ATP10B: variants seen among roughly 807,000 people sequenced by gnomAD.
The protein encoded by ATP10B is phospholipid-transporting ATPase VB.
A neutral mutation model predicts 141.2 loss-of-function variants in ATP10B; 122 were observed. That is an observed-to-expected ratio of 0.86 (90% confidence interval 0.75 to 1.00). The LOEUF is 1.00. Among genes scored for constraint, ATP10B ranks in the 50% least tolerant of loss-of-function variants. ATP10B has a pLI of 0.00. For missense variants in ATP10B, 1,876 were observed against 1,825.3 expected (o/e 1.03, Z -0.51); for synonymous variants, 685 against 692.0 (o/e 0.99, Z 0.16).
At chr5:160,785,175 C>T (rs1195656466) in intron 2 of ATP10B, among the ~76,000 whole-genome samples, 1 of 152,106 alleles carries the variant, frequency 6.6e-6, no homozygotes, top group Non-Finnish European at 1.5e-5. Flanking sequence ...AATCTATGGA[C>T]CTCTCTTACC....
At chr5:160,639,670 T>A (rs1759681334) in intron 10 of ATP10B, among the ~76,000 whole-genome samples, 1 of 152,194 alleles carries the variant, frequency 6.6e-6, no homozygotes, top group African/African-American at 2.4e-5. Flanking sequence ...GCAACATTTT[T>A]GGTATCAGTG....
At chr5:160,742,772 T>A (rs1326518808) in intron 2 of ATP10B, among the ~76,000 whole-genome samples, 1 of 152,130 alleles carries the variant, frequency 6.6e-6, no homozygotes, top group Non-Finnish European at 1.5e-5. Context: ...TTTGGGGATT[T>A]TTTGGGACTT....
chr5:160,600,383 A>G (rs1447195503), intron 21 of ATP10B, among the ~76,000 whole-genome samples: 2 of 152,064 alleles, frequency 1.3e-5, no homozygotes, highest in East Asian at 3.9e-4. Flanking sequence ...GGCTTATACG[A>G]TTAGACTTTT....
chr5:160,836,666 T>C (rs1483563671), intron 1 of ATP10B, among the ~76,000 whole-genome samples: 4 of 152,144 alleles, frequency 2.6e-5, no homozygotes, highest in Non-Finnish European at 4.4e-5. Flanking sequence ...AAATTATTTT[T>C]CTCCACAAGT....
At chr5:160,619,910 G>C (rs1758228043) in intron 15 of ATP10B, among the ~76,000 whole-genome samples, 2 of 152,156 alleles carry the variant, frequency 1.3e-5, no homozygotes, top group Non-Finnish European at 2.9e-5. Flanking sequence ...CTGGGTCTGG[G>C]ATTTAACACT....
chr5:160,784,270 A>G (rs928651483), intron 2 of ATP10B, among the ~76,000 whole-genome samples: 13 of 152,120 alleles, frequency 8.5e-5, no homozygotes, highest in South Asian at 2.1e-4. Flanking sequence ...GCAATTGCCT[A>G]TACTTGAATG....
At chr5:160,909,095 G>C in the ATP10B span, among the ~76,000 whole-genome samples, 144 of 152,266 alleles carry the variant, frequency 9.5e-4, no homozygotes, top group African/African-American at 3.4e-3. Flanking sequence ...TGATTTTATG[G>C]GGGGTCAGAC....
chr5:160,813,446 A>G (rs1025588937), intron 1 of ATP10B, among the ~76,000 whole-genome samples: 1 of 152,192 alleles, frequency 6.6e-6, no homozygotes, highest in Non-Finnish European at 1.5e-5. Context: ...AAGGGCACCC[A>G]CCACTGCTGA....
intron 2 of ATP10B, among the ~76,000 whole-genome samples, chr5:160,767,332 C>T (rs1481638042): frequency 6.6e-6 from 1 of 152,130 alleles, no homozygotes; most frequent in Non-Finnish European, 1.5e-5. Context: ...TGACTGAATA[C>T]TCCCAGTGTG....
intron 13 of ATP10B, among the ~76,000 whole-genome samples, chr5:160,628,976 T>C (rs1758763991): frequency 6.6e-6 from 1 of 152,116 alleles, no homozygotes; most frequent in African/African-American, 2.4e-5. Context: ...TGTTGCTGTT[T>C]TTGTCGATTG....
intron 2 of ATP10B, among the ~76,000 whole-genome samples, chr5:160,736,501 C>T (rs542919649): frequency 1.7e-4 from 26 of 152,302 alleles, no homozygotes; most frequent in Admixed American, 7.2e-4. Flanking sequence ...TGGTGGCTCA[C>T]GCCTGTAATC....
chr5:160,723,444 G>A (rs780713925), intron 2 of ATP10B, among the ~76,000 whole-genome samples: 13 of 152,162 alleles, frequency 8.5e-5, no homozygotes, highest in Non-Finnish European at 1.6e-4. Context: ...ACAATTCTAA[G>A]CATTTTGCTT....
chr5:160,649,086 C>T (rs1760512258), intron 8 of ATP10B, 85 bp downstream of exon 8: 1 of 929,966 alleles, frequency 1.1e-6, no homozygotes, highest in Non-Finnish European at 1.7e-6. Flanking sequence ...GATGAAGATG[C>T]TTATTTGTTT....
chr5:160,602,554 A>G, intron 21 of ATP10B, 23 bp downstream of exon 21: 2 of 1,613,180 alleles, frequency 1.2e-6, no homozygotes, highest in Non-Finnish European at 1.7e-6. Flanking sequence ...GCCCTGGGTG[A>G]GAGGACGCCA....
In ATP10B at chr5:160,750,909, G is replaced by A. The variant is rs116411706; in HGVS notation, c.-330-33875C>T. Among the ~76,000 whole-genome samples the A allele has an allele frequency of 6.0e-3, 914 of 152,192 alleles. 4 individuals carry two copies. Among genetic ancestry groups the A allele is most frequent in the Non-Finnish European group, 8.5e-3 (579 of 68,000 alleles). On this transcript the variant is annotated intron_variant, in intron 2 of 25. Coordinates refer to ENST00000327245, the MANE Select transcript of ATP10B (RefSeq NM_025153.3). ...ACTCTCTCAACCAGAAATGCCCCAG[G>A]ACTTTTTCACCTGCTCTCCCCTACA...
chr5:160,800,502 A>G (rs974872498), intron 1 of ATP10B, among the ~76,000 whole-genome samples: 3 of 152,226 alleles, frequency 2.0e-5, no homozygotes, highest in African/African-American at 7.2e-5. Context: ...AGTGTGGTAT[A>G]GGTGGAATTT....
chr5:160,652,869 TATATATAATATATATATAATTATATA>T lies in ATP10B; in HGVS notation c.676-3639_676-3614del, dbSNP rs1483018817. ...TAAAAAGATTATAAATTATATATAA[TATATATAATATATATATAATTATATA>T]ATATATTATATATACATGTATATAT... is the stretch of plus-strand genomic sequence containing the variant. On this transcript the variant is annotated intron_variant, in intron 7 of 25. Transcript: ENST00000327245. Among the ~76,000 whole-genome samples the T allele has an allele frequency of 2.2e-3, 135 of 61,176 alleles. 1 individual carries two copies. Among genetic ancestry groups the T allele is most frequent in the African/African-American group, 7.4e-3 (121 of 16,360 alleles). 40.1% of individuals were successfully genotyped at this position (61,176 alleles called of 152,430 possible).
chr5:160,893,035 C>CA, the ATP10B span, among the ~76,000 whole-genome samples: 1,903 of 152,330 alleles, frequency 0.012, 40 homozygotes, highest in African/African-American at 0.044. Flanking sequence ...GCTTTTCCTA[C>CA]AGTCTTCACA....
chr5:160,914,767 G>C, the ATP10B span, among the ~76,000 whole-genome samples: 1 of 152,152 alleles, frequency 6.6e-6, no homozygotes, highest in African/African-American at 2.4e-5. Flanking sequence ...ACATGAAATG[G>C]AGGAGGTAGA....
Sources: gnomAD v4.1 joint callset for allele counts (sites outside exome capture counted in the v4.1 genomes callset) on GRCh38, gnomAD v4.1.1 for gene constraint, MANE v1.5 for transcripts, NCBI Gene and HGNC (gene_info 2026-07-23, HGNC 2026-07-21) for gene names.